Variants in CNTN5 observed in about 807,000 individuals in gnomAD.
The protein encoded by CNTN5 is contactin-5.
In CNTN5, 77 loss-of-function variants were observed where a neutral mutation model predicts 129.1. The ratio of observed to expected loss-of-function variants is 0.60; its 90% CI spans 0.50 to 0.72. The LOEUF is 0.72. Ranked by LOEUF, CNTN5 falls within the 30% of genes least tolerant of loss-of-function variation. CNTN5 has a pLI of 0.00. For synonymous variants in CNTN5, 509 were observed against 465.6 expected, an observed-to-expected ratio of 1.09 and a Z score of -1.20; for missense variants, 1,478 against 1,328.8, an observed-to-expected ratio of 1.11 and a Z score of -1.75.
chr11:99,951,315 T>G (rs985175714), intron 7 of CNTN5, among the ~76,000 whole-genome samples: 5 of 152,020 alleles, frequency 3.3e-5, no homozygotes, highest in African/African-American at 1.2e-4. Flanking sequence ...TAAACTCTTA[T>G]GCTAATTTTT....
At chr11:99,937,016 G>A (rs1463665023) in intron 7 of CNTN5, among the ~76,000 whole-genome samples, 2 of 152,044 alleles carry the variant, frequency 1.3e-5, no homozygotes, top group African/African-American at 4.8e-5. Flanking sequence ...GTACATATAA[G>A]GTAGGTCTCC....
At chr11:99,722,807 A>G (rs2063536) in intron 3 of CNTN5, among the ~76,000 whole-genome samples, 1 of 151,552 alleles carries the variant, frequency 6.6e-6, no homozygotes, top group Non-Finnish European at 1.5e-5. Flanking sequence ...GATATAGCCC[A>G]TATGGGTTAT....
chr11:99,037,164 A>G (rs1863777256), intron 1 of CNTN5, among the ~76,000 whole-genome samples: 1 of 152,202 alleles, frequency 6.6e-6, no homozygotes, highest in Non-Finnish European at 1.5e-5. Flanking sequence ...TCATATTCAA[A>G]GTAGCCTTCT....
At chr11:99,946,195 T>TA (rs1210643276) in intron 7 of CNTN5, among the ~76,000 whole-genome samples, 1 of 152,144 alleles carries the variant, frequency 6.6e-6, no homozygotes, top group African/African-American at 2.4e-5. Flanking sequence ...TCCCTACAGA[T>TA]ATACAGTTCT....
chr11:99,160,676 T>A (rs1860565544), intron 1 of CNTN5, among the ~76,000 whole-genome samples: 1 of 152,144 alleles, frequency 6.6e-6, no homozygotes, highest in African/African-American at 2.4e-5. Context: ...AGAAGGTAAC[T>A]ATAGATTACA....
At chr11:99,578,913 G>C (rs1803832199) in intron 3 of CNTN5, among the ~76,000 whole-genome samples, 1 of 152,094 alleles carries the variant, frequency 6.6e-6, no homozygotes, top group African/African-American at 2.4e-5. Flanking sequence ...CCATGCCTAT[G>C]TCCTGAATGG....
At chr11:100,063,695 G>T (rs1204786595) in intron 10 of CNTN5, among the ~76,000 whole-genome samples, 1 of 127,652 alleles carries the variant, frequency 7.8e-6, no homozygotes, top group Non-Finnish European at 1.6e-5. Flanking sequence ...CATAGCAGCT[G>T]AACCTGTCTC....
At chr11:99,960,078 C>G (rs1950902463) in intron 8 of CNTN5, among the ~76,000 whole-genome samples, 1 of 152,142 alleles carries the variant, frequency 6.6e-6, no homozygotes, top group African/African-American at 2.4e-5. Context: ...GTTGTTGTTC[C>G]ATAAGGTTCT....
intron 1 of CNTN5, among the ~76,000 whole-genome samples, chr11:99,078,885 C>A (rs1195339139): frequency 6.6e-6 from 1 of 151,752 alleles, no homozygotes; most frequent in African/African-American, 2.4e-5. Flanking sequence ...AATAGCACAA[C>A]AGGGTGATTA....
intron 4 of CNTN5, among the ~76,000 whole-genome samples, chr11:99,838,638 T>C (rs527275484): frequency 1.3e-5 from 2 of 152,296 alleles, no homozygotes; most frequent in Admixed American, 6.5e-5. Context: ...TTGAAAACTT[T>C]ACAAAGGGAG....
chr11:99,499,751 AC>A (rs1427038681), intron 2 of CNTN5, among the ~76,000 whole-genome samples: 1 of 152,210 alleles, frequency 6.6e-6, no homozygotes, highest in Non-Finnish European at 1.5e-5. Context: ...CCTTTTGCTG[AC>A]AATGAGATAT....
intron 3 of CNTN5, among the ~76,000 whole-genome samples, chr11:99,636,539 A>G (rs1157354920): frequency 6.6e-6 from 1 of 151,964 alleles, no homozygotes; most frequent in African/African-American, 2.4e-5. Context: ...GGTTGATGCT[A>G]TCAGTGACAG....
intron 13 of CNTN5, among the ~76,000 whole-genome samples, chr11:100,101,892 G>C (rs1178479823): frequency 6.6e-6 from 1 of 152,042 alleles, no homozygotes; most frequent in African/African-American, 2.4e-5. Flanking sequence ...CATCCATGTT[G>C]CTGCGAAATA....
intron 18 of CNTN5, among the ~76,000 whole-genome samples, chr11:100,290,743 C>T (rs1302046793): frequency 1.3e-5 from 2 of 150,328 alleles, no homozygotes; most frequent in East Asian, 1.9e-4. Context: ...CAACAAAAGC[C>T]AAAATTGACA....
chr11:100,065,954 A>C (rs1042188319), intron 10 of CNTN5, among the ~76,000 whole-genome samples: 1 of 152,124 alleles, frequency 6.6e-6, no homozygotes, highest in Non-Finnish European at 1.5e-5. Context: ...GAAATGATAT[A>C]AAATTGTTGA....
At chr11:99,963,448 G>C (rs1415718220) in intron 8 of CNTN5, among the ~76,000 whole-genome samples, 1 of 152,022 alleles carries the variant, frequency 6.6e-6, no homozygotes, top group African/African-American at 2.4e-5. Flanking sequence ...TGTCAGGTTT[G>C]TCAAAGATCA....
chr11:100,033,187 G>C (rs1941813367), intron 9 of CNTN5, among the ~76,000 whole-genome samples: 1 of 152,150 alleles, frequency 6.6e-6, no homozygotes, highest in African/African-American at 2.4e-5. Flanking sequence ...GCAGACTACA[G>C]TGTTCCAAAC....
intron 3 of CNTN5, among the ~76,000 whole-genome samples, chr11:99,640,297 T>C (rs1294777716): frequency 1.3e-5 from 2 of 152,152 alleles, no homozygotes; most frequent in African/African-American, 4.8e-5. Context: ...TGCTGATAAA[T>C]TCATATACAA....
chr11:99,057,757 G>A (rs1229809401), intron 1 of CNTN5, among the ~76,000 whole-genome samples: 6 of 150,204 alleles, frequency 4.0e-5, no homozygotes, highest in African/African-American at 1.2e-4. Context: ...AGTCATATAT[G>A]TAATAAGTAA....
Sources: gnomAD v4.1 joint callset for allele counts (sites outside exome capture counted in the v4.1 genomes callset) on GRCh38, gnomAD v4.1.1 for gene constraint, MANE v1.5 for transcripts, NCBI Gene and HGNC (gene_info 2026-07-23, HGNC 2026-07-21) for gene names.